Variants in PAPPA observed in about 807,000 individuals in gnomAD.
The protein encoded by PAPPA is pappalysin-1.
A neutral mutation model predicts 164.0 loss-of-function variants in PAPPA; 60 were observed. The observed-to-expected ratio is 0.37, with a 90% CI of 0.30 to 0.45. PAPPA has a LOEUF of 0.45. Ranked by LOEUF, PAPPA falls within the 20% of genes least tolerant of loss-of-function variation. PAPPA has a pLI of 1.00. For synonymous variants in PAPPA, 875 were observed against 814.1 expected (o/e 1.07, Z -1.27); for missense variants, 1,782 against 2,087.3 (o/e 0.85, Z 2.85).
At chr9:116,202,972 C>T (rs926341789) in intron 2 of PAPPA, among the ~76,000 whole-genome samples, 1 of 152,158 alleles carries the variant, frequency 6.6e-6, no homozygotes, top group Admixed American at 6.5e-5. Flanking sequence ...ATCTATTTCA[C>T]AACCTCACTG....
chr9:116,263,978 A>T (rs933513916), intron 7 of PAPPA, among the ~76,000 whole-genome samples: 2 of 152,248 alleles, frequency 1.3e-5, no homozygotes, highest in Admixed American at 1.3e-4. Flanking sequence ...CAATGACTGG[A>T]TAGCCCCAGT....
At chr9:116,305,588 G>GCAGGAAAGAAATAGTCAGT (rs1186635143) in intron 10 of PAPPA, among the ~76,000 whole-genome samples, 1 of 152,118 alleles carries the variant, frequency 6.6e-6, no homozygotes, top group Non-Finnish European at 1.5e-5. Flanking sequence ...TAGTTATCAA[G>GCAGGAAAGAAATAGTCAGT]GTCCACCAGG....
At chr9:116,219,189 C>T (rs1228741724) in intron 4 of PAPPA, among the ~76,000 whole-genome samples, 1 of 152,182 alleles carries the variant, frequency 6.6e-6, no homozygotes, top group Non-Finnish European at 1.5e-5. Context: ...CTGCCTGTCC[C>T]TGCACCCACC....
intron 5 of PAPPA, among the ~76,000 whole-genome samples, chr9:116,220,522 A>G: frequency 7.1e-6 from 1 of 140,096 alleles, no homozygotes. Flanking sequence ...GTATCATATT[A>G]TATATGCTTA....
chr9:116,208,633 G>T (rs1340964533), intron 3 of PAPPA, among the ~76,000 whole-genome samples: 1 of 152,228 alleles, frequency 6.6e-6, no homozygotes, highest in African/African-American at 2.4e-5. Flanking sequence ...AGGCTCAGCA[G>T]TGACAGTGCT....
rs112873184 is a variant in PAPPA at position 116,371,669 on chromosome 9, C to T, written c.4605+3915C>T. 7.1e-3 allele frequency among the ~76,000 whole-genome samples: 1,073 copies of T among 151,840 alleles called. 12 individuals carry two copies. The highest frequency in any genetic ancestry group is 0.025 in the African/African-American group (1,024 of 41,376). On this transcript the variant is annotated intron_variant, in intron 19 of 21. Transcript: ENST00000328252. ...TGTTGCCCAGGCTGGTTTTGAACTC[C>T]TGTCCTCAAGTGATCCTTCTGCCTC...
intron 3 of PAPPA, among the ~76,000 whole-genome samples, chr9:116,210,174 C>G (rs1196392717): frequency 6.6e-6 from 1 of 152,064 alleles, no homozygotes; most frequent in African/African-American, 2.4e-5. Flanking sequence ...CTTCTCATAC[C>G]CAAGTGAATG....
intron 1 of PAPPA, among the ~76,000 whole-genome samples, chr9:116,156,109 AT>A (rs35362408): frequency 0.043 from 5,926 of 137,780 alleles, 325 homozygotes; most frequent in African/African-American, 0.13. Flanking sequence ...CTTGGAGGTG[AT>A]TTTTTTTTTT....
At chr9:116,185,751 T>C (rs1466330732) in intron 1 of PAPPA, among the ~76,000 whole-genome samples, 1 of 152,200 alleles carries the variant, frequency 6.6e-6, no homozygotes, top group Non-Finnish European at 1.5e-5. Context: ...ATAAAGATAA[T>C]TAGATCCAGA....
At chr9:116,266,100 A>G in intron 8 of PAPPA, 115 bp downstream of exon 8, 2 of 865,648 alleles carry the variant, frequency 2.3e-6, no homozygotes. Context: ...GCTGTGAGCT[A>G]CTAGTGGTCC....
chr9:116,182,236 G>C (rs894978100), intron 1 of PAPPA, among the ~76,000 whole-genome samples: 3 of 152,208 alleles, frequency 2.0e-5, no homozygotes, highest in Non-Finnish European at 4.4e-5. Context: ...TCAATAAAGA[G>C]TAAGATACTC....
chr9:116,284,419 C>T (rs1044901177), intron 9 of PAPPA, among the ~76,000 whole-genome samples: 1 of 152,126 alleles, frequency 6.6e-6, no homozygotes, highest in African/African-American at 2.4e-5. Context: ...TTCTGACCAT[C>T]CCTCCACAGA....
At chr9:116,237,273 G>C (rs780199322) in intron 7 of PAPPA, among the ~76,000 whole-genome samples, 11 of 152,214 alleles carry the variant, frequency 7.2e-5, no homozygotes, top group Non-Finnish European at 1.3e-4. Context: ...CTCAGAAAGA[G>C]CACTTGGTTT....
chr9:116,335,120 T>A, intron 13 of PAPPA, 46 bp downstream of exon 13: 1 of 1,473,624 alleles, frequency 6.8e-7, no homozygotes, highest in Non-Finnish European at 9.4e-7. Flanking sequence ...TGTAGCCGAG[T>A]GGAGACAGTG....
chr9:116,184,164 T>C (rs1030835775), intron 1 of PAPPA, among the ~76,000 whole-genome samples: 1 of 152,228 alleles, frequency 6.6e-6, no homozygotes, highest in Admixed American at 6.5e-5. Flanking sequence ...GGGAAGGACA[T>C]GAATGTCATG....
At chr9:116,167,104 C>A (rs999975077) in intron 1 of PAPPA, among the ~76,000 whole-genome samples, 3 of 152,118 alleles carry the variant, frequency 2.0e-5, no homozygotes, top group Non-Finnish European at 4.4e-5. Context: ...CATTTTACAT[C>A]CATTAGAGCA....
At chr9:116,209,117 A>G (rs1162395216) in intron 3 of PAPPA, among the ~76,000 whole-genome samples, 3 of 152,176 alleles carry the variant, frequency 2.0e-5, no homozygotes, top group Admixed American at 6.5e-5. Context: ...GTGTATGGGT[A>G]GATAGATTGG....
At chr9:116,236,736 G>T (rs1396321043) in intron 7 of PAPPA, among the ~76,000 whole-genome samples, 1 of 110,620 alleles carries the variant, frequency 9.0e-6, no homozygotes, top group African/African-American at 2.8e-5. Context: ...ATGGGCTAAG[G>T]TCTTTGCATC....
intron 4 of PAPPA, among the ~76,000 whole-genome samples, chr9:116,218,898 C>T (rs1487467280): frequency 4.6e-5 from 7 of 152,104 alleles, no homozygotes; most frequent in Non-Finnish European, 1.0e-4. Flanking sequence ...GTGCGTACTC[C>T]AAAACTCCAG....
Sources: allele counts gnomAD v4.1 joint callset (sites outside exome capture counted in the v4.1 genomes callset), GRCh38; gene constraint gnomAD v4.1.1; transcripts MANE v1.5; gene names NCBI Gene and HGNC (gene_info 2026-07-23, HGNC 2026-07-21).